The following TRIM9 variants were observed in gnomAD, a reference collection of about 807,000 sequenced individuals.
TRIM9 encodes tripartite motif containing 9, also known as E3 ubiquitin-protein ligase TRIM9.
Under a neutral mutation model 78.3 loss-of-function variants are expected in TRIM9, and 26 were observed. The ratio of observed to expected loss-of-function variants is 0.33; its 90% CI spans 0.24 to 0.46. The LOEUF (loss-of-function observed/expected upper bound fraction) is 0.46, where lower values mean the gene tolerates loss of function less well. TRIM9 is among the 20% of genes least tolerant of loss of function. The probability of loss-of-function intolerance (pLI) is 1.00; values close to 1 mark genes in which losing one functional copy is unlikely to be tolerated. For synonymous variants in TRIM9, 398 were observed against 416.5 expected (o/e 0.96, Z 0.54); for missense variants, 787 against 1,036.4 (o/e 0.76, Z 3.30).
Position 51,022,914 on chromosome 14 carries a change from T to C in TRIM9, c.962A>G (p.Asp321Gly). The change falls in exon 3 of 13, where the codon GAT (aspartate) becomes GGT (glycine). Residue 321 changes from aspartate (D) to glycine (G), a missense_variant. Coordinates refer to ENST00000684578, the MANE Select transcript of TRIM9 (RefSeq NM_001387360.1). ...EFEACLVAQC[D>G]ALIDALNRRK... ...TCTGTTGAGGGCATCGATGAGGGCA[T>C]CACATTGGGCCACCAGACAGGCTTC... is the stretch of plus-strand genomic sequence containing the variant. 6.2e-7 allele frequency: 1 copy of C among 1,614,166 alleles called. No individual in the cohort carries two copies. The highest frequency in any genetic ancestry group is 8.5e-7 in the Non-Finnish European group (1 of 1,180,022).
intron 1 of TRIM9, 145 bp downstream of exon 1, chr14:51,093,973 G>C: frequency 1.3e-6 from 1 of 755,628 alleles, no homozygotes; most frequent in Non-Finnish European, 2.1e-6. Flanking sequence ...CTCCTGCAAT[G>C]CACCAGACCA....
chr14:51,091,362 A>T (rs1211394739), intron 1 of TRIM9: 3 of 152,198 alleles, frequency 2.0e-5, no homozygotes, highest in African/African-American at 4.8e-5. Flanking sequence ...TATCAGTAGA[A>T]ATGACTAATA....
At chr14:51,040,058 C>T (rs2059462013) in intron 1 of TRIM9, among the ~76,000 whole-genome samples, 1 of 152,190 alleles carries the variant, frequency 6.6e-6, no homozygotes, top group South Asian at 2.1e-4. Context: ...GCTGGGATTA[C>T]AGGCGTGAGC....
intron 1 of TRIM9, among the ~76,000 whole-genome samples, chr14:51,026,778 C>A (rs556987202): frequency 6.6e-6 from 1 of 152,154 alleles, no homozygotes; most frequent in African/African-American, 2.4e-5. Context: ...TGCAGATTCT[C>A]GCTCTATCCC....
intron 12 of TRIM9, chr14:50,979,006 T>TA: frequency 7.3e-6 from 9 of 1,225,670 alleles, no homozygotes; most frequent in Non-Finnish European, 9.2e-6. Context: ...GCTTCAGTCT[T>TA]ACACCCTCAC....
intron 1 of TRIM9, among the ~76,000 whole-genome samples, chr14:51,063,919 C>A (rs1202581418): frequency 6.6e-6 from 1 of 151,924 alleles, no homozygotes; most frequent in Non-Finnish European, 1.5e-5. Flanking sequence ...CTGAAATGGG[C>A]ATAAATACAT....
At chr14:51,024,066 C>T (rs969949628) in intron 2 of TRIM9, among the ~76,000 whole-genome samples, 9 of 152,184 alleles carry the variant, frequency 5.9e-5, no homozygotes, top group African/African-American at 1.7e-4. Flanking sequence ...ACGGCAATTG[C>T]TTTTGAACTC....
chr14:51,060,202 G>T (rs945181923), intron 1 of TRIM9, among the ~76,000 whole-genome samples: 1 of 152,104 alleles, frequency 6.6e-6, no homozygotes, highest in African/African-American at 2.4e-5. Flanking sequence ...TATTTATGTG[G>T]TGAGAATCTC....
rs1252572680 is a variant in TRIM9 at position 50,976,106 on chromosome 14, T to C, written c.*1185A>G. 1 of 152,538 alleles carries C rather than the reference T, an allele frequency of 6.6e-6. No homozygotes were observed. The highest frequency in any genetic ancestry group is 1.5e-5 in the Non-Finnish European group (1 of 68,016). 9.4% of individuals were successfully genotyped at this position (152,538 alleles called of 1,614,324 possible). On this transcript the variant is annotated 3_prime_UTR_variant, in exon 13 of 13. Coordinates refer to ENST00000684578, the MANE Select transcript of TRIM9 (RefSeq NM_001387360.1). Reference sequence around the variant, plus strand: ...TACTGAGAATGGGTCCTTTGCCCTCTGGTCACTCTTTTTTTTTTCAACTGT... The same window carrying C: ...TACTGAGAATGGGTCCTTTGCCCTCCGGTCACTCTTTTTTTTTTCAACTGT...
At chr14:51,092,566 T>C (rs987781583) in intron 1 of TRIM9, among the ~76,000 whole-genome samples, 7 of 152,142 alleles carry the variant, frequency 4.6e-5, no homozygotes, top group African/African-American at 1.7e-4. Context: ...CATCCTTGGG[T>C]ATGCAACTCA....
intron 3 of TRIM9, among the ~76,000 whole-genome samples, chr14:51,019,064 T>C (rs12896768): frequency 0.41 from 61,681 of 152,066 alleles, 12,828 homozygotes; most frequent in South Asian, 0.66. Context: ...AAGCATAGAT[T>C]TCATTAATGG....
At chr14:50,999,716 A>G (rs576577961) in intron 6 of TRIM9, among the ~76,000 whole-genome samples, 1 of 152,136 alleles carries the variant, frequency 6.6e-6, no homozygotes, top group Non-Finnish European at 1.5e-5. Flanking sequence ...TCTCCTCTTC[A>G]TCAGTGCAGG....
intron 3 of TRIM9, among the ~76,000 whole-genome samples, chr14:51,017,886 C>T (rs2139716528): frequency 6.6e-6 from 1 of 152,262 alleles, no homozygotes; most frequent in South Asian, 2.1e-4. Context: ...CCATGGGTAG[C>T]CTGGGCACCC....
intron 3 of TRIM9, among the ~76,000 whole-genome samples, chr14:51,018,468 T>G (rs1596187024): frequency 6.6e-6 from 1 of 152,148 alleles, no homozygotes; most frequent in Non-Finnish European, 1.5e-5. Context: ...ATGCCAATAA[T>G]ATCCGTAACG....
chr14:51,084,575 T>C (rs556884430), intron 1 of TRIM9, among the ~76,000 whole-genome samples: 1 of 152,312 alleles, frequency 6.6e-6, no homozygotes, highest in Admixed American at 6.5e-5. Context: ...AAAAGCACCA[T>C]AGATTTATCT....
At chr14:51,080,117 T>C (rs2063161255) in intron 1 of TRIM9, among the ~76,000 whole-genome samples, 1 of 151,990 alleles carries the variant, frequency 6.6e-6, no homozygotes, top group African/African-American at 2.4e-5. Context: ...GTGAGAGGCA[T>C]AGCAAAACTA....
chr14:51,085,016 C>T (rs1026269272), intron 1 of TRIM9, among the ~76,000 whole-genome samples: 9 of 152,212 alleles, frequency 5.9e-5, no homozygotes, highest in African/African-American at 2.2e-4. Flanking sequence ...TTACTCCTCT[C>T]TGCAACCTGC....
At chr14:51,006,264 A>G (rs8009152) in intron 5 of TRIM9, among the ~76,000 whole-genome samples, 8,034 of 152,286 alleles carry the variant, frequency 0.053, 406 homozygotes, top group African/African-American at 0.13. Flanking sequence ...GGATTACTTT[A>G]ATACCACTCC....
chr14:51,085,829 G>C (rs2063700623), intron 1 of TRIM9, among the ~76,000 whole-genome samples: 1 of 152,252 alleles, frequency 6.6e-6, no homozygotes, highest in East Asian at 1.9e-4. Flanking sequence ...TGTTAGAAGA[G>C]AGACAATGCT....
Sources: allele counts gnomAD v4.1 joint callset (sites outside exome capture counted in the v4.1 genomes callset), GRCh38; gene constraint gnomAD v4.1.1; transcripts MANE v1.5; gene names NCBI Gene and HGNC (gene_info 2026-07-23, HGNC 2026-07-21).